ELAPOR1: variants seen among roughly 807,000 people sequenced by gnomAD.
ELAPOR1 encodes the protein endosome-lysosome associated apoptosis and autophagy regulator 1.
ELAPOR1 carries 77 observed loss-of-function variants against 119.7 expected under a neutral mutation model. The ratio of observed to expected loss-of-function variants is 0.64; its 90% CI spans 0.54 to 0.78. ELAPOR1 has a LOEUF of 0.78. Ranked by LOEUF, ELAPOR1 falls within the 30% of genes least tolerant of loss-of-function variation. The probability of loss-of-function intolerance (pLI) is 0.00; values close to 1 mark genes in which losing one functional copy is unlikely to be tolerated. For synonymous variants in ELAPOR1, 481 were observed against 487.2 expected (o/e 0.99, Z 0.17); for missense variants, 1,115 against 1,270.4 (o/e 0.88, Z 1.86).
intron 17 of ELAPOR1, among the ~76,000 whole-genome samples, 172 bp downstream of exon 17, chr1:109,198,247 C>T (rs1653951364): frequency 6.6e-6 from 1 of 152,176 alleles, no homozygotes; most frequent in Admixed American, 6.5e-5. Context: ...ATCCCAGCTT[C>T]CTGGATATTA....
Position 109,171,893 on chromosome 1 carries a change from C to T in ELAPOR1, c.495C>T (p.Tyr165=), listed in dbSNP as rs760424266. 3.1e-6 allele frequency: 5 copies of T among 1,614,230 alleles called. No individual in the cohort carries two copies. Among genetic ancestry groups the T allele is most frequent in the Admixed American group, 1.7e-5 (1 of 60,032 alleles). The change falls in exon 4 of 22, where the codon TAC becomes TAT. Residue 165 remains tyrosine, a synonymous_variant. Coordinates refer to ENST00000369939, the MANE Select transcript of ELAPOR1 (RefSeq NM_020775.5). The part of the protein sequence containing the change: ...TSSKWVPRGD[Y]IASNTDECTA... ...CCAAGTGGGTTCCCCGGGGCGACTA[C>T]ATCGCCTCCAACACGGACGAATGCA... is the stretch of plus-strand genomic sequence containing the variant.
At chr1:109,164,349 A>T in intron 2 of ELAPOR1, 150 bp from the exon 3 acceptor site, 1 of 599,258 alleles carries the variant, frequency 1.7e-6, no homozygotes, top group Non-Finnish European at 2.8e-6. Flanking sequence ...ATAAAATCAA[A>T]TCACACAGTA....
At chr1:109,117,445 G>A (rs35502610) in intron 1 of ELAPOR1, among the ~76,000 whole-genome samples, 10,664 of 152,260 alleles carry the variant, frequency 0.07, 476 homozygotes, top group South Asian at 0.18. Context: ...GGGCTAATTG[G>A]CCTCAAAGGG....
chr1:109,180,035 T>C (rs1223627428), intron 7 of ELAPOR1, among the ~76,000 whole-genome samples: 1 of 152,164 alleles, frequency 6.6e-6, no homozygotes, highest in African/African-American at 2.4e-5. Context: ...GCTGGCATCA[T>C]TGCTGATGTC....
intron 7 of ELAPOR1, among the ~76,000 whole-genome samples, chr1:109,183,328 C>CAAAA (rs67807553): frequency 2.0e-4 from 6 of 29,430 alleles, no homozygotes; most frequent in African/African-American, 6.4e-4. Context: ...CTGTCTCTAC[C>CAAAA]AAAAAAAAAA....
At position 109,185,092 on chromosome 1, in the gene ELAPOR1, G is replaced by A. The variant is rs1450253516; in HGVS notation, c.1000G>A (p.Asp334Asn). Residue 334 changes from aspartate (D) to asparagine (N), a missense_variant, in exon 8 of 22, where the codon GAT becomes AAT. Transcript: ENST00000369939. ...CNVRPACTDK[D>N]YFYTHTACDA... ...CGTGCGCCCAGCTTGCACAGACAAA[G>A]ATTATTTCTACACACACACGGCCTG... 6.2e-7 allele frequency: 1 copy of A among 1,614,182 alleles called. No homozygotes were observed. Among genetic ancestry groups the A allele is most frequent in the East Asian group, 2.2e-5 (1 of 44,886 alleles).
intron 1 of ELAPOR1, among the ~76,000 whole-genome samples, chr1:109,120,086 GA>G (rs1161389673): frequency 5.3e-5 from 8 of 152,106 alleles, no homozygotes; most frequent in Admixed American, 4.6e-4. Flanking sequence ...TATCCTATGG[GA>G]TTAGTGCACT....
At chr1:109,178,783 G>T (rs1472029064) in intron 7 of ELAPOR1, among the ~76,000 whole-genome samples, 1 of 152,004 alleles carries the variant, frequency 6.6e-6, no homozygotes, top group Non-Finnish European at 1.5e-5. Flanking sequence ...TGGCCAATAT[G>T]GTAAAACCCC....
chr1:109,164,592 G>C lies in ELAPOR1; in HGVS notation c.368G>C (p.Arg123Pro), dbSNP rs144983898. Residue 123 changes from arginine to proline, a missense_variant, in exon 3 of 22, where the codon CGG (arginine) becomes CCG (proline). Physicochemically the swap from Arg to Pro is moderately radical, Grantham distance 103 (BLOSUM62 -2). Transcript: ENST00000369939. ...CGCTACTCCCTCGGCACAGGCATTCGGTTTGATGAGTGGGATGAGCTGCCC... is the reference window on the plus strand; with the variant it reads ...CGCTACTCCCTCGGCACAGGCATTCCGTTTGATGAGTGGGATGAGCTGCCC... ...EGRYSLGTGI[R>P]FDEWDELPHG... 1.2e-6 allele frequency: 2 copies of C among 1,614,108 alleles called. No homozygotes were observed. Among genetic ancestry groups the C allele is most frequent in the Middle Eastern group, 1.6e-4 (1 of 6,084 alleles).
At position 109,184,001 on chromosome 1, in the gene ELAPOR1, G is replaced by T. The variant is rs539913621; in HGVS notation, c.953-1044G>T. ...GAGCCCAGGAGTTCCAGGCTGCAGTGAGTTAAGATTGTACCACTGCAGTCC... is the reference window on the plus strand; with the variant it reads ...GAGCCCAGGAGTTCCAGGCTGCAGTTAGTTAAGATTGTACCACTGCAGTCC... On this transcript the variant is annotated intron_variant, in intron 7 of 21. Coordinates refer to ENST00000369939, the MANE Select transcript of ELAPOR1 (RefSeq NM_020775.5). Among the ~76,000 whole-genome samples, 5 of 152,168 alleles carry T rather than the reference G, an allele frequency of 3.3e-5. No homozygotes were observed. In the South Asian group the frequency reaches 1.0e-3, roughly 32 times the overall value.
intron 21 of ELAPOR1, 39 bp downstream of exon 21, chr1:109,200,939 G>A (rs372821672): frequency 1.3e-6 from 2 of 1,591,382 alleles, no homozygotes; most frequent in Non-Finnish European, 1.7e-6. Flanking sequence ...CAGCCTGGAG[G>A]GCTGGAGGAG....
chr1:109,134,990 T>C (rs1442565754), intron 1 of ELAPOR1, among the ~76,000 whole-genome samples: 3 of 152,134 alleles, frequency 2.0e-5, no homozygotes, highest in African/African-American at 7.2e-5. Flanking sequence ...GCAATAATGG[T>C]TGGAGGACAA....
chr1:109,164,463 C>CTCACTGCCCCACCTTG (rs1311373801), intron 2 of ELAPOR1, 36 bp from the exon 3 acceptor site: 1 of 1,569,396 alleles, frequency 6.4e-7, no homozygotes, highest in South Asian at 1.2e-5. Flanking sequence ...CTGCAGTGAC[C>CTCACTGCCCCACCTTG]TCACTGCCCC....
Position 109,189,086 on chromosome 1 carries a change from G to C in ELAPOR1, c.1240G>C (p.Gly414Arg). 6.2e-7 allele frequency: 1 copy of C among 1,614,010 alleles called. No individual in the cohort carries two copies. Among genetic ancestry groups the C allele is most frequent in the Non-Finnish European group, 8.5e-7 (1 of 1,179,970 alleles). The change falls in exon 10 of 22, where the codon GGG (glycine) becomes CGG (arginine). Residue 414 changes from glycine to arginine, a missense_variant. Gly to Arg is a moderately radical substitution (Grantham distance 125, BLOSUM62 -2). Coordinates refer to ENST00000369939, the MANE Select transcript of ELAPOR1 (RefSeq NM_020775.5). ...NGSDCTRCPAGTEPAVGFEYK... is the reference protein window; with the variant it reads ...NGSDCTRCPARTEPAVGFEYK... ...CCCAGACTGTACCCGCTGCCCTGCA[G>C]GGACTGAACCTGCTGTGGGATTTGA...
intron 1 of ELAPOR1, among the ~76,000 whole-genome samples, chr1:109,126,985 T>G (rs1648819906): frequency 6.6e-6 from 1 of 152,092 alleles, no homozygotes; most frequent in African/African-American, 2.4e-5. Context: ...TCTGCCAAAT[T>G]TTTTGAAAAC....
intron 7 of ELAPOR1, among the ~76,000 whole-genome samples, chr1:109,183,581 C>CT: frequency 1.7e-5 from 1 of 58,918 alleles, no homozygotes; most frequent in South Asian, 8.7e-4. Context: ...TCCTTCCTTC[C>CT]TTCCTTCCTT....
At chr1:109,132,205 T>C (rs886307469) in intron 1 of ELAPOR1, among the ~76,000 whole-genome samples, 1 of 150,076 alleles carries the variant, frequency 6.7e-6, no homozygotes, top group African/African-American at 2.5e-5. Flanking sequence ...TAGAGTGCAA[T>C]GGCATGATCT....
At chr1:109,127,353 TACA>T (rs1341419523) in intron 1 of ELAPOR1, among the ~76,000 whole-genome samples, 1,641 of 151,608 alleles carry the variant, frequency 0.011, 28 homozygotes, top group African/African-American at 0.037. Flanking sequence ...TAGCTGGGAC[TACA>T]GGTGCACGCC....
intron 1 of ELAPOR1, among the ~76,000 whole-genome samples, chr1:109,145,723 C>T (rs1015945930): frequency 2.6e-5 from 4 of 152,040 alleles, no homozygotes; most frequent in African/African-American, 9.7e-5. Context: ...AAAGAGATGA[C>T]TAGATAATGA....
Sources: gnomAD v4.1 joint callset for allele counts (sites outside exome capture counted in the v4.1 genomes callset) on GRCh38, gnomAD v4.1.1 for gene constraint, MANE v1.5 for transcripts, NCBI Gene and HGNC (gene_info 2026-07-23, HGNC 2026-07-21) for gene names.